The following ZNF883 variants were observed in gnomAD, a reference collection of about 807,000 sequenced individuals.
The protein encoded by ZNF883 is zinc finger protein 883.
intron 2 of ZNF883, among the ~76,000 whole-genome samples, chr9:113,007,663 A>C (rs1828491652): frequency 6.6e-6 from 1 of 152,236 alleles, no homozygotes. Context: ...AACGAGTGCC[A>C]GATGCTAGAG....
chr9:112,999,358 C>A (rs1828399333), upstream of ZNF883, among the ~76,000 whole-genome samples: 1 of 152,176 alleles, frequency 6.6e-6, no homozygotes, highest in South Asian at 2.1e-4. Flanking sequence ...TCATACTTAA[C>A]ACACTTCTGT....
At chr9:113,000,838 T>A (rs963537962), upstream of ZNF883, among the ~76,000 whole-genome samples, 1 of 151,940 alleles carries the variant, frequency 6.6e-6, no homozygotes, top group Non-Finnish European at 1.5e-5. Flanking sequence ...AACACTTAAG[T>A]TGAAAAAATA....
downstream of ZNF883, among the ~76,000 whole-genome samples, chr9:112,992,639 G>C (rs1828313484): frequency 6.6e-6 from 1 of 152,102 alleles, no homozygotes; most frequent in African/African-American, 2.4e-5. Flanking sequence ...TGTTAGGTTG[G>C]GGAAGTTCTC....
intron 1 of ZNF883, among the ~76,000 whole-genome samples, chr9:112,989,061 T>C (rs1250138252): frequency 1.3e-5 from 2 of 152,210 alleles, no homozygotes; most frequent in East Asian, 3.8e-4. Context: ...GCAAAAGTTT[T>C]CCCTCATTCT....
intron 2 of ZNF883, among the ~76,000 whole-genome samples, chr9:113,007,515 G>A (rs911950475): frequency 1.3e-5 from 2 of 152,160 alleles, no homozygotes; most frequent in Non-Finnish European, 2.9e-5. Context: ...AACTCATAAT[G>A]ATCCCTGTAA....
chr9:112,989,534 T>C (rs1828282123), intron 1 of ZNF883, among the ~76,000 whole-genome samples: 1 of 152,218 alleles, frequency 6.6e-6, no homozygotes, highest in South Asian at 2.1e-4. Context: ...CCTCATAGTA[T>C]AGTTTGGAGT....
chr9:113,010,347 C>T (rs1358740064), intron 2 of ZNF883, among the ~76,000 whole-genome samples: 4 of 152,184 alleles, frequency 2.6e-5, no homozygotes, highest in Non-Finnish European at 5.9e-5. Flanking sequence ...ATGGGAGAAT[C>T]TCCTGTTTCC....
intron 1 of ZNF883, among the ~76,000 whole-genome samples, 161 bp from the exon 2 acceptor site, chr9:113,011,388 T>C (rs916355585): frequency 3.4e-4 from 52 of 152,202 alleles, no homozygotes; most frequent in Non-Finnish European, 6.5e-4. Context: ...TACATTCCTC[T>C]CTCTGGTCAC....
chr9:113,003,936 G>A (rs182344701), intron 2 of ZNF883, among the ~76,000 whole-genome samples: 1 of 112,390 alleles, frequency 8.9e-6, no homozygotes, highest in African/African-American at 3.8e-5. Context: ...TCCAAAAAAG[G>A]TATGTTGTAA....
chr9:113,006,372 T>C (rs1444459272), intron 2 of ZNF883, among the ~76,000 whole-genome samples: 1 of 152,110 alleles, frequency 6.6e-6, no homozygotes, highest in Non-Finnish European at 1.5e-5. Context: ...AGTCATAAAA[T>C]AGCCAGCTAA....
chr9:112,999,964 GGCTATC>G (rs923201581), upstream of ZNF883: 4 of 152,096 alleles, frequency 2.6e-5, no homozygotes, highest in African/African-American at 9.7e-5. Context: ...CCACTATTGA[GGCTATC>G]TAGGGGCCCT....
At chr9:112,991,342 C>T (rs1228617595) in intron 1 of ZNF883, among the ~76,000 whole-genome samples, 1 of 151,952 alleles carries the variant, frequency 6.6e-6, no homozygotes, top group Non-Finnish European at 1.5e-5. Flanking sequence ...TAATTGTTTA[C>T]TCAGGAGTCA....
upstream of ZNF883, chr9:112,998,279 T>C: frequency 6.8e-7 from 1 of 1,473,014 alleles, no homozygotes; most frequent in Admixed American, 2.4e-5. Context: ...ACTATGGCTT[T>C]ACATTTATTT....
chr9:112,989,942 T>C (rs755022819), intron 1 of ZNF883, among the ~76,000 whole-genome samples: 2 of 152,336 alleles, frequency 1.3e-5, no homozygotes, highest in Non-Finnish European at 1.5e-5. Flanking sequence ...ATAGGAATGC[T>C]TGTGATTTTT....
upstream of ZNF883, among the ~76,000 whole-genome samples, chr9:113,003,024 GTTC>G (rs775417371): frequency 1.5e-4 from 23 of 152,126 alleles, no homozygotes; most frequent in South Asian, 8.3e-4. Context: ...ATAAATTTCT[GTTC>G]TTTATAAATT....
At chr9:113,012,071 G>C (rs1369489032) in intron 1 of ZNF883, 79 bp downstream of exon 1, 2 of 152,194 alleles carry the variant, frequency 1.3e-5, no homozygotes, top group African/African-American at 2.4e-5. Context: ...CTCCCGACCC[G>C]CCCGAATGGT....
chr9:113,010,982 C>T (rs1177958456), intron 2 of ZNF883, among the ~76,000 whole-genome samples, 159 bp downstream of exon 2: 6 of 71,426 alleles, frequency 8.4e-5, no homozygotes. Context: ...GAGACCTTGT[C>T]TCAAAAAAAA....
exon 1 of ZNF883, chr9:112,997,491 T>G: frequency 6.2e-7 from 1 of 1,614,192 alleles, no homozygotes; most frequent in Non-Finnish European, 8.5e-7. Flanking sequence ...GTATGAGTTC[T>G]CTGGTGTTCA....
downstream of ZNF883, among the ~76,000 whole-genome samples, chr9:112,993,327 T>A (rs1828318981): frequency 6.6e-6 from 1 of 152,248 alleles, no homozygotes; most frequent in South Asian, 2.1e-4. Flanking sequence ...CAGGTTCCAC[T>A]CCCATAGGGC....
Sources: gnomAD v4.1 joint callset for allele counts (sites outside exome capture counted in the v4.1 genomes callset) on GRCh38, gnomAD v4.1.1 for gene constraint, MANE v1.5 for transcripts, NCBI Gene and HGNC (gene_info 2026-07-23, HGNC 2026-07-21) for gene names.